The following GABRA3 variants were observed in gnomAD, a reference collection of about 807,000 sequenced individuals.
GABRA3 encodes gamma-aminobutyric acid type A receptor subunit alpha3.
Under a neutral mutation model 30.1 loss-of-function variants are expected in GABRA3, and 10 were observed. The observed-to-expected ratio is 0.33, with a 90% CI of 0.20 to 0.56. The LOEUF is 0.56. Ranked by LOEUF, GABRA3 falls within the 20% of genes least tolerant of loss-of-function variation. GABRA3 has a pLI of 0.89. For missense variants in GABRA3, 233 were observed against 392.0 expected (o/e 0.59, Z 3.42); for synonymous variants, 151 against 146.8 (o/e 1.03, Z -0.21).
intron 4 of GABRA3, among the ~76,000 whole-genome samples, chrX:152,266,111 G>A (rs899612728): frequency 1.8e-5 from 2 of 111,476 alleles, no homozygotes; most frequent in Non-Finnish European, 3.8e-5. Flanking sequence ...TAGAGGAGAA[G>A]GGAATCCTAT....
intron 5 of GABRA3, among the ~76,000 whole-genome samples, chrX:152,234,860 T>C (rs4259547): frequency 0.013 from 1,481 of 112,150 alleles, 59 homozygotes; most frequent in Admixed American, 0.11. Context: ...ACCATGCTGT[T>C]TGGGTTAGTA....
At chrX:152,249,123 A>C (rs1938509917) in intron 5 of GABRA3, among the ~76,000 whole-genome samples, 1 of 110,679 alleles carries the variant, frequency 9.0e-6, no homozygotes, top group Admixed American at 9.6e-5. Flanking sequence ...CATGTTCCAA[A>C]ATCTTATTAC....
chrX:152,282,050 T>A (rs1284368279), intron 4 of GABRA3, among the ~76,000 whole-genome samples: 1 of 112,150 alleles, frequency 8.9e-6, no homozygotes, highest in Non-Finnish European at 1.9e-5. Flanking sequence ...CATGGAGCTT[T>A]TGTCAAAAAA....
At chrX:152,304,007 C>T (rs7888024) in intron 3 of GABRA3, among the ~76,000 whole-genome samples, 7,353 of 111,525 alleles carry the variant, frequency 0.066, 274 homozygotes, top group East Asian at 0.13. Context: ...TTCTAACTGG[C>T]GTGAGATGGT....
At chrX:152,424,340 CACA>C (rs891388390) in intron 1 of GABRA3, among the ~76,000 whole-genome samples, 7 of 109,755 alleles carry the variant, frequency 6.4e-5, no homozygotes, top group Non-Finnish European at 1.3e-4. Flanking sequence ...CATTGTTCAC[CACA>C]ACACTAGTTC....
intron 6 of GABRA3, among the ~76,000 whole-genome samples, chrX:152,222,768 T>A (rs746534750): frequency 9.0e-6 from 1 of 110,740 alleles, no homozygotes; most frequent in South Asian, 3.9e-4. Context: ...GGACTTGTGC[T>A]GGGTTATAGT....
At position 152,208,329 on chromosome X, in the gene GABRA3, T is replaced by C. The variant is rs777584574; in HGVS notation, c.635-185A>G. Among the ~76,000 whole-genome samples, 4 of 112,350 alleles carry C rather than the reference T, an allele frequency of 3.6e-5. No individual in the cohort carries two copies. In the South Asian group the frequency reaches 1.5e-3, roughly 42 times the overall value. ...CATCCATCCATACAATAAACTCTCA[T>C]TGAACAGCTACTGTAGTATATGCTG... On this transcript the variant is annotated intron_variant, in intron 6 of 9. Coordinates refer to ENST00000370314, the MANE Select transcript of GABRA3 (RefSeq NM_000808.4).
intron 1 of GABRA3, among the ~76,000 whole-genome samples, chrX:152,368,226 C>T (rs1928709389): frequency 8.9e-6 from 1 of 111,761 alleles, no homozygotes; most frequent in Admixed American, 9.5e-5. Flanking sequence ...TACAAGAAAT[C>T]TCTTGGACTT....
chrX:152,316,335 A>G (rs1390951084), intron 3 of GABRA3, among the ~76,000 whole-genome samples: 4 of 111,890 alleles, frequency 3.6e-5, no homozygotes, highest in Non-Finnish European at 7.5e-5. Context: ...ACTAATGAAC[A>G]AAGACTCCAA....
intron 4 of GABRA3, among the ~76,000 whole-genome samples, chrX:152,265,807 A>C (rs902384530): frequency 3.6e-5 from 4 of 111,291 alleles, no homozygotes; most frequent in Non-Finnish European, 7.6e-5. Context: ...GGAGACATTA[A>C]AACTGATAAG....
At chrX:152,330,780 A>G (rs1251544921) in intron 3 of GABRA3, among the ~76,000 whole-genome samples, 1 of 110,546 alleles carries the variant, frequency 9.0e-6, no homozygotes, top group African/African-American at 3.3e-5. Flanking sequence ...GCACACCAAC[A>G]TGGCACATGT....
intron 4 of GABRA3, among the ~76,000 whole-genome samples, chrX:152,266,819 T>C (rs1569374977): frequency 9.0e-6 from 1 of 111,714 alleles, no homozygotes; most frequent in African/African-American, 3.2e-5. Context: ...GGAAGCTCCA[T>C]GACAGCAGGG....
At chrX:152,390,274 G>A (rs940869546) in intron 1 of GABRA3, among the ~76,000 whole-genome samples, 1 of 111,799 alleles carries the variant, frequency 8.9e-6, no homozygotes, top group Non-Finnish European at 1.9e-5. Context: ...AGAGCTAAAG[G>A]ATGTGATACA....
intron 3 of GABRA3, among the ~76,000 whole-genome samples, chrX:152,291,596 CA>C (rs1279497894): frequency 2.7e-5 from 3 of 111,664 alleles, no homozygotes; most frequent in African/African-American, 9.8e-5. Context: ...TGCCAGTTTT[CA>C]AAGGGAATGC....
chrX:152,344,963 ATATAT>A (rs1940369337), intron 3 of GABRA3, among the ~76,000 whole-genome samples: 1 of 111,894 alleles, frequency 8.9e-6, no homozygotes, highest in Non-Finnish European at 1.9e-5. Flanking sequence ...ATAACCCGTG[ATATAT>A]TATAATATAT....
Position 152,379,845 on chromosome X carries a change from AT to A in GABRA3, c.-26-15250del, listed in dbSNP as rs889118577. Among the ~76,000 whole-genome samples the A allele has an allele frequency of 1.3e-3, 142 of 107,334 alleles. 1 individual carries two copies. The highest frequency in any genetic ancestry group is 2.1e-3 in the Non-Finnish European group (108 of 51,697). The allele number at this position is 107,334 out of a possible 115,157, so 93.2% of individuals were successfully genotyped here. A position where few individuals can be genotyped will look rare whatever the true frequency, so the allele number is the denominator to read the frequency against. On this transcript the variant is annotated intron_variant, in intron 1 of 9. Coordinates refer to ENST00000370314, the MANE Select transcript of GABRA3 (RefSeq NM_000808.4). ...GTATACATTTATGGGGTACAATGTGATTTTTTTTTTGAGATGGAGTCTTGCT... is the reference window on the plus strand; with the variant it reads ...GTATACATTTATGGGGTACAATGTGATTTTTTTTTGAGATGGAGTCTTGCT...
chrX:152,292,588 T>C (rs984426362), intron 3 of GABRA3, among the ~76,000 whole-genome samples: 2 of 111,495 alleles, frequency 1.8e-5, no homozygotes, highest in Non-Finnish European at 3.8e-5. Flanking sequence ...TGCCTTCTGA[T>C]AGCTTTTGAA....
At chrX:152,280,496 T>G (rs1569380877) in intron 4 of GABRA3, among the ~76,000 whole-genome samples, 1 of 111,279 alleles carries the variant, frequency 9.0e-6, no homozygotes, top group Non-Finnish European at 1.9e-5. Context: ...TGTGCTATTC[T>G]CCTTTTAATT....
intron 4 of GABRA3, among the ~76,000 whole-genome samples, chrX:152,257,927 C>A (rs761773252): frequency 3.3e-4 from 37 of 111,893 alleles, no homozygotes; most frequent in Non-Finnish European, 6.0e-4. Context: ...AAACTTAACA[C>A]AAAAATTGGT....
Sources: gnomAD v4.1 joint callset for allele counts (sites outside exome capture counted in the v4.1 genomes callset) on GRCh38, gnomAD v4.1.1 for gene constraint, MANE v1.5 for transcripts, NCBI Gene and HGNC (gene_info 2026-07-23, HGNC 2026-07-21) for gene names.